Variants in SAMD4A observed in about 807,000 individuals in gnomAD.
The protein encoded by SAMD4A is sterile alpha motif domain containing 4A.
Under a neutral mutation model 81.3 loss-of-function variants are expected in SAMD4A, and 33 were observed. The observed-to-expected ratio is 0.41, with a 90% CI of 0.31 to 0.54. The LOEUF (loss-of-function observed/expected upper bound fraction) is 0.54. Among genes scored for constraint, SAMD4A ranks in the 20% least tolerant of loss-of-function variants. SAMD4A has a pLI of 0.37. For synonymous variants in SAMD4A, 389 were observed against 382.1 expected, an observed-to-expected ratio of 1.02 and a Z score of -0.21; for missense variants, 854 against 951.1, an observed-to-expected ratio of 0.90 and a Z score of 1.34.
chr14:54,725,252 G>A (rs2037384947), intron 3 of SAMD4A, among the ~76,000 whole-genome samples: 3 of 152,230 alleles, frequency 2.0e-5, no homozygotes, highest in Admixed American at 2.0e-4. Flanking sequence ...ACAAAGACAA[G>A]CTCTCATGAA....
Position 54,729,256 on chromosome 14 carries a change from C to T in SAMD4A, c.716-7768C>T, listed in dbSNP as rs1376361561. Among the ~76,000 whole-genome samples the T allele has an allele frequency of 2.0e-5, 3 of 151,932 alleles. No individual in the cohort carries two copies. The East Asian group carries it at 5.8e-4, about 29-fold the overall frequency. ...TAGCAGTCTAGGTGGTGCCGTTAAGCGCGGGATGGATGCTGTATTGCATAA... is the reference window on the plus strand; with the variant it reads ...TAGCAGTCTAGGTGGTGCCGTTAAGTGCGGGATGGATGCTGTATTGCATAA... On this transcript the variant is annotated intron_variant, in intron 3 of 12. Coordinates refer to ENST00000554335, the MANE Select transcript of SAMD4A (RefSeq NM_015589.6).
chr14:54,598,267 C>G (rs1017987630), intron 2 of SAMD4A, among the ~76,000 whole-genome samples: 2 of 152,222 alleles, frequency 1.3e-5, no homozygotes, highest in African/African-American at 2.4e-5. Context: ...TTATGTTATA[C>G]TGTCCACCAA....
At chr14:54,749,050 G>A (rs1204475426) in intron 5 of SAMD4A, 126 bp downstream of exon 5, 1 of 647,012 alleles carries the variant, frequency 1.5e-6, no homozygotes. Context: ...GCTGGAAACT[G>A]TGGGGTGCTG....
intron 4 of SAMD4A, among the ~76,000 whole-genome samples, chr14:54,739,737 C>T (rs2140937574): frequency 6.6e-6 from 1 of 152,344 alleles, no homozygotes; most frequent in African/African-American, 2.4e-5. Flanking sequence ...ACTCTTCCGC[C>T]ACCAGATGTT....
chr14:54,680,628 T>C (rs932331465), intron 2 of SAMD4A, among the ~76,000 whole-genome samples: 2 of 152,248 alleles, frequency 1.3e-5, no homozygotes, highest in Non-Finnish European at 1.5e-5. Context: ...TTCCAGCATA[T>C]TTCAGCACAT....
Position 54,617,525 on chromosome 14 carries a change from G to T in SAMD4A, c.196+49413G>T, listed in dbSNP as rs2034519338. Among the ~76,000 whole-genome samples the T allele has an allele frequency of 2.0e-5, 3 of 152,024 alleles. No homozygotes were observed. In the South Asian group the frequency reaches 6.2e-4, roughly 32 times the overall value. ...AAGGAAGACATTTTAAGTTGGCCAG[G>T]TCCCTAGTGGCTTCACATTTTTGTC... On this transcript the variant is annotated intron_variant, in intron 2 of 12. Transcript: ENST00000554335.
At position 54,615,774 on chromosome 14, in the gene SAMD4A, T is replaced by C. The variant is rs1204763245; in HGVS notation, c.196+47662T>C. On this transcript the variant is annotated intron_variant, in intron 2 of 12. Coordinates refer to ENST00000554335, the MANE Select transcript of SAMD4A (RefSeq NM_015589.6). ...AGTGACTTTCTTGAAATAGATGGTA[T>C]TACTAATATTTTAAGCATTAAAATA... 5.0e-5 allele frequency among the ~76,000 whole-genome samples: 6 copies of C among 120,502 alleles called. No individual in the cohort carries two copies. In the East Asian group the frequency reaches 9.9e-4, roughly 20 times the overall value. 79.1% of individuals were successfully genotyped at this position (120,502 alleles called of 152,430 possible).
intron 2 of SAMD4A, among the ~76,000 whole-genome samples, chr14:54,613,175 G>A (rs908347343): frequency 1.3e-5 from 2 of 148,872 alleles, no homozygotes. Context: ...AAAGGGAAAA[G>A]GAAGGAAGAG....
chr14:54,702,406 C>G lies in SAMD4A; in HGVS notation c.541C>G (p.Gln181Glu). ...YGQTHYYHQR[Q>E]NSDDKLNGWQ... The stretch of plus-strand genomic sequence containing the variant: ...ACAGACACACTACTATCACCAAAGA[C>G]AGAACTCTGATGACAAGCTCAATGG... Residue 181 changes from glutamine to glutamate, a missense_variant, in exon 3 of 13, where the codon CAG becomes GAG. This residue lies in a region of SAMD4A where 387 missense variants were observed against 405.8 expected (regional missense o/e 0.95). Transcript: ENST00000554335. 2 of 1,614,154 alleles carry G rather than the reference C, an allele frequency of 1.2e-6. No individual in the cohort carries two copies. The highest frequency in any genetic ancestry group is 1.7e-6 in the Non-Finnish European group (2 of 1,180,012).
At chr14:54,755,029 G>A (rs1023159716) in intron 6 of SAMD4A, 4 of 181,438 alleles carry the variant, frequency 2.2e-5, no homozygotes, top group African/African-American at 9.5e-5. Context: ...GCTTCCTGAG[G>A]TGAAATAGAC....
chr14:54,758,605 G>A (rs2038307910), intron 6 of SAMD4A, among the ~76,000 whole-genome samples: 2 of 152,296 alleles, frequency 1.3e-5, no homozygotes, highest in African/African-American at 2.4e-5. Flanking sequence ...TGAGGCGGAC[G>A]GACCACCTGG....
intron 2 of SAMD4A, among the ~76,000 whole-genome samples, chr14:54,626,051 T>C (rs865845498): frequency 4.2e-4 from 54 of 129,614 alleles, no homozygotes; most frequent in East Asian, 1.9e-3. Context: ...TGTGTGTGTG[T>C]GTGTGTGTGC....
chr14:54,665,260 A>C (rs147048467), intron 2 of SAMD4A, among the ~76,000 whole-genome samples: 2 of 152,382 alleles, frequency 1.3e-5, no homozygotes, highest in South Asian at 4.1e-4. Context: ...ATCATAAAAC[A>C]GGTATGATCA....
chr14:54,714,056 A>G (rs2037058057), intron 3 of SAMD4A, among the ~76,000 whole-genome samples: 1 of 152,192 alleles, frequency 6.6e-6, no homozygotes, highest in South Asian at 2.1e-4. Flanking sequence ...AACAAATAAG[A>G]CTTTAAATGT....
At chr14:54,579,517 T>C (rs2033404328) in intron 2 of SAMD4A, among the ~76,000 whole-genome samples, 1 of 152,242 alleles carries the variant, frequency 6.6e-6, no homozygotes, top group Non-Finnish European at 1.5e-5. Flanking sequence ...TTTTTAATGG[T>C]AGTTTTAATA....
chr14:54,586,893 T>G (rs1250868838), intron 2 of SAMD4A, among the ~76,000 whole-genome samples: 1 of 152,012 alleles, frequency 6.6e-6, no homozygotes, highest in Non-Finnish European at 1.5e-5. Flanking sequence ...TTTGCTTAGT[T>G]TTGCTTTGGC....
rs892289629 is a variant in SAMD4A, at chr14:54,712,885, A to T, written c.715+10305A>T. Among the ~76,000 whole-genome samples the T allele has an allele frequency of 2.6e-5, 4 of 152,080 alleles. 1 individual carries two copies. The South Asian group carries it at 6.2e-4, about 24-fold the overall frequency. Reference sequence around the variant, plus strand: ...CAGTTGTGTTCTCATTCCCCACCAGACTTTAAAAATAGGATGGATTCTGGC... The same window carrying T: ...CAGTTGTGTTCTCATTCCCCACCAGTCTTTAAAAATAGGATGGATTCTGGC... On this transcript the variant is annotated intron_variant, in intron 3 of 12. Coordinates refer to ENST00000554335, the MANE Select transcript of SAMD4A (RefSeq NM_015589.6).
intron 8 of SAMD4A, among the ~76,000 whole-genome samples, chr14:54,765,886 C>G (rs941237227): frequency 6.6e-6 from 1 of 152,172 alleles, no homozygotes; most frequent in Non-Finnish European, 1.5e-5. Context: ...TCCCAGCTCC[C>G]CCTTCCCCAC....
At chr14:54,578,750 C>T (rs1338155446) in intron 2 of SAMD4A, among the ~76,000 whole-genome samples, 1 of 152,190 alleles carries the variant, frequency 6.6e-6, no homozygotes. Context: ...TTCTTGATTT[C>T]CAGTGTATTC....
Sources: gnomAD v4.1 joint callset for allele counts (sites outside exome capture counted in the v4.1 genomes callset) on GRCh38, gnomAD v4.1.1 for gene constraint, gnomAD v4.1.1 regional missense constraint, MANE v1.5 for transcripts, NCBI Gene and HGNC (gene_info 2026-07-23, HGNC 2026-07-21) for gene names.